CWF19L2: variants seen among roughly 807,000 people sequenced by gnomAD.
CWF19L2 encodes CWF19-like protein 2.
CWF19L2 carries 98 observed loss-of-function variants against 111.7 expected under a neutral mutation model. The ratio of observed to expected loss-of-function variants is 0.88; its 90% CI spans 0.75 to 1.04. The LOEUF is 1.04. Among genes scored for constraint, CWF19L2 ranks in the 50% least tolerant of loss-of-function variants. The probability of loss-of-function intolerance (pLI) is 0.00; values close to 1 mark genes in which losing one functional copy is unlikely to be tolerated. For missense variants in CWF19L2, 1,101 were observed against 1,051.4 expected (o/e 1.05, Z -0.65); for synonymous variants, 351 against 342.9 (o/e 1.02, Z -0.26).
intron 11 of CWF19L2, among the ~76,000 whole-genome samples, chr11:107,391,847 T>A (rs1860852776): frequency 6.6e-6 from 1 of 152,212 alleles, no homozygotes; most frequent in Non-Finnish European, 1.5e-5. Context: ...TTTCTGGCCC[T>A]CTTGTCTTTT....
chr11:107,416,342 A>G, intron 9 of CWF19L2, 44 bp from the exon 10 acceptor site: 1 of 846,142 alleles, frequency 1.2e-6, no homozygotes, highest in Non-Finnish European at 1.7e-6. Flanking sequence ...TATGTAGTTT[A>G]ATTCTTTACG....
At chr11:107,384,726 T>G (rs558768830) in intron 12 of CWF19L2, among the ~76,000 whole-genome samples, 1 of 152,328 alleles carries the variant, frequency 6.6e-6, no homozygotes, top group African/African-American at 2.4e-5. Context: ...ACAACAGCAG[T>G]GCTGGTAATT....
Position 107,373,409 on chromosome 11 carries a change from C to T in CWF19L2, c.1872+16665G>A, listed in dbSNP as rs978277211. On this transcript the variant is annotated intron_variant, in intron 12 of 17. Transcript: ENST00000282251. ...GAAGACAGCAGTGGTTCTCCCAGCACGCAGCTGAAGATCTGAGAACGGGCA... is the reference window on the plus strand; with the variant it reads ...GAAGACAGCAGTGGTTCTCCCAGCATGCAGCTGAAGATCTGAGAACGGGCA... Among the ~76,000 whole-genome samples the T allele has an allele frequency of 5.9e-5, 8 of 135,668 alleles. No homozygotes were observed. In the East Asian group the frequency reaches 1.1e-3, roughly 18 times the overall value. 89.0% of individuals were successfully genotyped at this position (135,668 alleles called of 152,430 possible).
intron 8 of CWF19L2, among the ~76,000 whole-genome samples, chr11:107,425,003 G>C (rs1012462574): frequency 2.0e-5 from 3 of 151,658 alleles, no homozygotes; most frequent in Non-Finnish European, 2.9e-5. Context: ...TGTTTATAAT[G>C]ATGAGCAAAT....
At chr11:107,330,484 A>G (rs1192985356) in intron 16 of CWF19L2, among the ~76,000 whole-genome samples, 1 of 152,134 alleles carries the variant, frequency 6.6e-6, no homozygotes, top group Non-Finnish European at 1.5e-5. Context: ...AAAAACAATC[A>G]TAATTTTTTA....
Position 107,429,309 on chromosome 11 carries a change from A to C in CWF19L2, c.923T>G (p.Val308Gly), listed in dbSNP as rs758386751. The stretch of plus-strand genomic sequence containing the variant: ...ATCCCTTGAACTGTTACCATATTTT[A>C]CTAAGTCTGATTCTCTACTTTCTTG... Reference protein sequence around the residue: ...NCQESRESDLVKYGNSSRDRY... With the variant: ...NCQESRESDLGKYGNSSRDRY... The change falls in exon 8 of 18, where the codon GTA becomes GGA. Residue 308 changes from valine (V) to glycine (G), a missense_variant. Val to Gly is a moderately radical substitution (Grantham distance 109). Transcript: ENST00000282251. The C allele has an allele frequency of 1.2e-6, 2 of 1,612,018 alleles. No individual in the cohort carries two copies. The highest frequency in any genetic ancestry group is 1.7e-6 in the Non-Finnish European group (2 of 1,178,944).
In CWF19L2 at chr11:107,369,514, A is replaced by T. The variant is rs113936489; in HGVS notation, c.1873-15778T>A. Among the ~76,000 whole-genome samples, 41 of 138,014 alleles carry T rather than the reference A, an allele frequency of 3.0e-4. 7 individuals carry two copies. The highest frequency in any genetic ancestry group is 1.2e-3 in the African/African-American group (41 of 34,734). 90.5% of individuals were successfully genotyped at this position (138,014 alleles called of 152,430 possible). A position where few individuals can be genotyped will look rare whatever the true frequency, so the allele number is the denominator to read the frequency against. On this transcript the variant is annotated intron_variant, in intron 12 of 17. Coordinates refer to ENST00000282251, the MANE Select transcript of CWF19L2 (RefSeq NM_152434.3). ...CACGAAAAAAAGACACATAGGCTTG[A>T]CTTATTCCCTGGCCCACAATGACAT...
intron 12 of CWF19L2, among the ~76,000 whole-genome samples, chr11:107,363,475 A>C (rs6588967): frequency 0.83 from 124,598 of 151,022 alleles, 51,968 homozygotes; most frequent in African/African-American, 0.95. Context: ...GCGGATCTCT[A>C]GGCAGAAACT....
At chr11:107,399,758 C>A (rs655380) in intron 10 of CWF19L2, among the ~76,000 whole-genome samples, 105,773 of 151,996 alleles carry the variant, frequency 0.7, 37,114 homozygotes, top group Non-Finnish European at 0.74. Context: ...GCAACTGCAG[C>A]ATACACATTC....
chr11:107,375,333 A>G (rs1860582254), intron 12 of CWF19L2, among the ~76,000 whole-genome samples: 1 of 136,128 alleles, frequency 7.3e-6, no homozygotes, highest in African/African-American at 2.9e-5. Flanking sequence ...TTTCAGCACC[A>G]CACCACACCT....
chr11:107,408,620 T>C (rs1861114755), intron 10 of CWF19L2, among the ~76,000 whole-genome samples: 1 of 151,932 alleles, frequency 6.6e-6, no homozygotes, highest in South Asian at 2.1e-4. Context: ...CCTCTAGTAA[T>C]GCCTAAGATG....
chr11:107,425,223 T>C (rs1161561591), intron 8 of CWF19L2, among the ~76,000 whole-genome samples: 8 of 131,048 alleles, frequency 6.1e-5, no homozygotes, highest in Admixed American at 7.5e-5. Flanking sequence ...CACAAAGAGG[T>C]TGAAAACCTT....
chr11:107,440,812 A>G (rs889832068), intron 5 of CWF19L2, among the ~76,000 whole-genome samples: 2 of 152,242 alleles, frequency 1.3e-5, no homozygotes, highest in Admixed American at 1.3e-4. Context: ...AAACATGAAA[A>G]GACCTCTCTG....
chr11:107,402,848 C>T (rs921825442), intron 10 of CWF19L2, among the ~76,000 whole-genome samples: 1 of 119,582 alleles, frequency 8.4e-6, no homozygotes, highest in East Asian at 2.4e-4. Flanking sequence ...CATCAATCAA[C>T]GAGTGGATAA....
At chr11:107,350,252 A>T (rs1444933293) in intron 13 of CWF19L2, among the ~76,000 whole-genome samples, 1 of 152,142 alleles carries the variant, frequency 6.6e-6, no homozygotes, top group Admixed American at 6.6e-5. Flanking sequence ...TCTACATGCT[A>T]GGGAATCAAC....
Position 107,353,612 on chromosome 11 carries a change from C to T in CWF19L2, c.1997G>A (p.Arg666Gln). 6.2e-7 allele frequency: 1 copy of T among 1,613,736 alleles called. No homozygotes were observed. Among genetic ancestry groups the T allele is most frequent in the Non-Finnish European group, 8.5e-7 (1 of 1,179,748 alleles). Reference protein sequence around the residue: ...NQRKKAIAEHRSLAAQMEKCL... With the variant: ...NQRKKAIAEHQSLAAQMEKCL... ...TTTTTCCATTTGTGCAGCAAGACTC[C>T]GATGCTCAGCAATAGCTTTTTTCCT... is the stretch of plus-strand genomic sequence containing the variant. Residue 666 changes from arginine (R) to glutamine (Q), a missense_variant, in exon 13 of 18, where the codon CGG becomes CAG. By Grantham distance (43) the Arg-to-Gln change is conservative. Transcript: ENST00000282251.
At chr11:107,392,943 T>A (rs752711477) in intron 10 of CWF19L2, 48 bp from the exon 11 acceptor site, 1 of 1,165,804 alleles carries the variant, frequency 8.6e-7, no homozygotes, top group Admixed American at 2.7e-5. Context: ...TGAAGAATGT[T>A]GAATGTTTTT....
intron 14 of CWF19L2, among the ~76,000 whole-genome samples, chr11:107,344,938 A>G (rs1045419722): frequency 2.6e-5 from 4 of 152,158 alleles, no homozygotes; most frequent in African/African-American, 9.7e-5. Flanking sequence ...TTGACACTCA[A>G]AAATGGGAGA....
chr11:107,450,575 AAAG>A (rs762850613), intron 3 of CWF19L2, among the ~76,000 whole-genome samples: 6 of 152,084 alleles, frequency 3.9e-5, no homozygotes, highest in Non-Finnish European at 8.8e-5. Context: ...ATAAAATAAA[AAAG>A]AAGAAATTGA....
Sources: gnomAD v4.1 joint callset for allele counts (sites outside exome capture counted in the v4.1 genomes callset) on GRCh38, gnomAD v4.1.1 for gene constraint, MANE v1.5 for transcripts, NCBI Gene and HGNC (gene_info 2026-07-23, HGNC 2026-07-21) for gene names.